Variants in RNF4 observed in about 807,000 individuals in gnomAD.
RNF4 encodes E3 ubiquitin-protein ligase RNF4.
RNF4 carries 7 observed loss-of-function variants against 24.3 expected under a neutral mutation model. The ratio of observed to expected loss-of-function variants is 0.29; its 90% CI spans 0.16 to 0.54. The LOEUF is 0.54. Among genes scored for constraint, RNF4 ranks in the 20% least tolerant of loss-of-function variants. The pLI is 0.95. For missense variants in RNF4, 209 were observed against 248.5 expected, an observed-to-expected ratio of 0.84 and a Z score of 1.07; for synonymous variants, 83 against 84.3, an observed-to-expected ratio of 0.98 and a Z score of 0.09.
rs1473054436 is a variant in RNF4 at position 2,495,318 on chromosome 4, TC to T, written c.10-1687del. 2.6e-5 allele frequency among the ~76,000 whole-genome samples: 4 copies of T among 152,316 alleles called. 1 individual carries two copies. The highest frequency in any genetic ancestry group is 1.9e-4 in the East Asian group (1 of 5,186). On this transcript the variant is annotated intron_variant, in intron 2 of 7. Transcript: ENST00000314289. ...GAGGGCTTGGCTGGATGGTGGGTGTTCCTGGATCTTGTATGAATCTCTCCTG... is the reference window on the plus strand; with the variant it reads ...GAGGGCTTGGCTGGATGGTGGGTGTTCTGGATCTTGTATGAATCTCTCCTG...
chr4:2,506,359 T>G (rs1736100971), intron 4 of RNF4: 1 of 151,946 alleles, frequency 6.6e-6, no homozygotes, highest in Admixed American at 6.6e-5. Context: ...AATTTTTGTA[T>G]TTTTAGGAGA....
Position 2,512,688 on chromosome 4 carries a change from C to T in RNF4, c.374+91C>T. The stretch of plus-strand genomic sequence containing the variant: ...TTTCAGCAAATCTGTGAGCCCTTGG[C>T]CCTGGAAGGGCTTGCCCAAGCCTCT... On this transcript the variant is annotated intron_variant, in intron 6 of 7. Transcript: ENST00000314289. The surrounding 1 kb of genome is among the most constrained non-coding windows in gnomAD (Gnocchi z 4.1). The T allele has an allele frequency of 2.7e-6, 4 of 1,460,220 alleles. No homozygotes were observed. In the Admixed American group the frequency reaches 6.3e-5, roughly 23 times the overall value. 90.5% of individuals were successfully genotyped at this position (1,460,220 alleles called of 1,614,324 possible). A position where few individuals can be genotyped will look rare whatever the true frequency, so the allele number is the denominator to read the frequency against.
At chr4:2,489,536 C>T (rs1006040806) in intron 1 of RNF4, among the ~76,000 whole-genome samples, 1 of 152,186 alleles carries the variant, frequency 6.6e-6, no homozygotes, top group African/African-American at 2.4e-5. Flanking sequence ...GCAGGCTGTG[C>T]TTAACGAGCC....
intron 2 of RNF4, among the ~76,000 whole-genome samples, chr4:2,491,328 C>G (rs755467429): frequency 2.0e-5 from 3 of 152,170 alleles, no homozygotes; most frequent in East Asian, 1.9e-4. Context: ...CCTCCACGTT[C>G]TGGGTTCAAG....
intron 2 of RNF4, among the ~76,000 whole-genome samples, chr4:2,493,520 G>C (rs369701092): frequency 7.2e-5 from 11 of 152,014 alleles, no homozygotes; most frequent in African/African-American, 2.7e-4. Flanking sequence ...GGGCATGGTG[G>C]ATCACAAGGT....
chr4:2,489,204 G>A (rs928766758), intron 1 of RNF4, among the ~76,000 whole-genome samples: 1 of 152,188 alleles, frequency 6.6e-6, no homozygotes, highest in Non-Finnish European at 1.5e-5. Flanking sequence ...TTAGGAGTTA[G>A]GCCTTGATAA....
intron 4 of RNF4, among the ~76,000 whole-genome samples, chr4:2,508,956 A>G (rs1320454081): frequency 1.0e-5 from 1 of 99,678 alleles, no homozygotes; most frequent in African/African-American, 4.1e-5. Context: ...CAGTTTCACT[A>G]TTGTCGCCTA....
rs968661709 is a variant in RNF4 at position 2,514,694 on chromosome 4, C to T, written c.*875C>T. 6.5e-6 allele frequency: 1 copy of T among 152,784 alleles called. No homozygotes were observed. Among genetic ancestry groups the T allele is most frequent in the African/African-American group, 2.4e-5 (1 of 41,460 alleles). The allele number at this position is 152,784 out of a possible 1,614,324, so 9.5% of individuals were successfully genotyped here. A position where few individuals can be genotyped will look rare whatever the true frequency, so the allele number is the denominator to read the frequency against. On this transcript the variant is annotated 3_prime_UTR_variant, in exon 8 of 8. Coordinates refer to ENST00000314289, the MANE Select transcript of RNF4 (RefSeq NM_002938.5). ...CCATCCCGTGTTTGCCACACGCCCT[C>T]CAGTCCTCAGTTCCCACTGCCTAAC...
In RNF4 at chr4:2,515,434, G is replaced by A. The variant is rs1736387864; in HGVS notation, c.*1615G>A. On this transcript the variant is annotated 3_prime_UTR_variant, in exon 8 of 8. Transcript: ENST00000314289. ...TCCGCAGCTCTCATCATTGTGATGT[G>A]TAGCATGTCTGCCCTCTGACTGGAC... 1 of 152,506 alleles carries A rather than the reference G, an allele frequency of 6.6e-6. No homozygotes were observed. Among genetic ancestry groups the A allele is most frequent in the African/African-American group, 2.4e-5 (1 of 41,456 alleles). 9.4% of individuals were successfully genotyped at this position (152,506 alleles called of 1,614,324 possible). A position where few individuals can be genotyped will look rare whatever the true frequency, so the allele number is the denominator to read the frequency against.
chr4:2,471,447 T>C (rs1034239177), intron 1 of RNF4, among the ~76,000 whole-genome samples: 1 of 152,134 alleles, frequency 6.6e-6, no homozygotes, highest in Non-Finnish European at 1.5e-5. Context: ...TGAGACACAA[T>C]ATTGAAATTA....
intron 1 of RNF4, among the ~76,000 whole-genome samples, chr4:2,475,331 T>TTTTGTTTG (rs35342608): frequency 2.0e-4 from 30 of 146,502 alleles, no homozygotes; most frequent in Admixed American, 8.2e-4. Flanking sequence ...GCACCTGGCT[T>TTTTGTTTG]TTTGTTTGTT....
At chr4:2,486,261 G>A (rs1187006178) in intron 1 of RNF4, among the ~76,000 whole-genome samples, 2 of 152,218 alleles carry the variant, frequency 1.3e-5, no homozygotes, top group South Asian at 2.1e-4. Context: ...CTCAGCTGTT[G>A]TTAGTTTTCT....
Position 2,496,996 on chromosome 4 carries a change from T to A in RNF4, c.10-11T>A, listed in dbSNP as rs748321730. 1 of 1,582,080 alleles carries A rather than the reference T, an allele frequency of 6.3e-7. No homozygotes were observed. Among genetic ancestry groups the A allele is most frequent in the Admixed American group, 1.8e-5 (1 of 54,580 alleles). On this transcript the variant is annotated splice_polypyrimidine_tract_variant and intron_variant, in intron 2 of 7. Transcript: ENST00000314289. ...TGTTCATGTGACTCTTCTTTCCCCC[T>A]TGCTACTCAGAGAAAGCGTCGTGGT...
chr4:2,480,045 C>T (rs1735201156), intron 1 of RNF4: 1 of 152,108 alleles, frequency 6.6e-6, no homozygotes, highest in Non-Finnish European at 1.5e-5. Flanking sequence ...ATCCTCCCAT[C>T]TTAGCCTCCT....
At chr4:2,474,500 G>A (rs926307954) in intron 1 of RNF4, among the ~76,000 whole-genome samples, 2 of 152,184 alleles carry the variant, frequency 1.3e-5, no homozygotes, top group Non-Finnish European at 2.9e-5. Flanking sequence ...GTGGTTTCTT[G>A]AGGTGGAATT....
At chr4:2,495,997 A>T (rs1735725906) in intron 2 of RNF4, among the ~76,000 whole-genome samples, 1 of 152,196 alleles carries the variant, frequency 6.6e-6, no homozygotes, top group Non-Finnish European at 1.5e-5. Flanking sequence ...CAGACCAGAA[A>T]TGCTGGAGCA....
chr4:2,489,483 G>A (rs1215976124), intron 1 of RNF4, among the ~76,000 whole-genome samples: 1 of 152,186 alleles, frequency 6.6e-6, no homozygotes, highest in Non-Finnish European at 1.5e-5. Flanking sequence ...GTCTCTGGAA[G>A]CAGCACCTGG....
rs770638160 is a variant in RNF4 at position 2,490,515 on chromosome 4, A to G, written c.9+13A>G. The G allele has an allele frequency of 2.5e-6, 4 of 1,610,402 alleles. No individual in the cohort carries two copies. The highest frequency in any genetic ancestry group is 1.3e-5 in the African/African-American group (1 of 74,882). On this transcript the variant is annotated intron_variant, in intron 2 of 7. Coordinates refer to ENST00000314289, the MANE Select transcript of RNF4 (RefSeq NM_002938.5). ...CACAATGAGTACAGTAAGTTTTATC[A>G]TCTCTTGAATTTTTAATTTTGTAGG... is the stretch of plus-strand genomic sequence containing the variant.
chr4:2,493,347 TG>T (rs1735637581), intron 2 of RNF4, among the ~76,000 whole-genome samples: 1 of 150,884 alleles, frequency 6.6e-6, no homozygotes, highest in African/African-American at 2.4e-5. Context: ...TAGGGAGGGG[TG>T]GGGACATTCC....
Sources: gnomAD v4.1 joint callset for allele counts (sites outside exome capture counted in the v4.1 genomes callset) on GRCh38, gnomAD v4.1.1 for gene constraint, Gnocchi (gnomAD v3.1) non-coding constraint, MANE v1.5 for transcripts, NCBI Gene and HGNC (gene_info 2026-07-23, HGNC 2026-07-21) for gene names.